RAD51B: variants seen among roughly 807,000 people sequenced by gnomAD.
RAD51B encodes the protein RAD51 paralog B.
Under a neutral mutation model 42.2 loss-of-function variants are expected in RAD51B, and 38 were observed. That is an observed-to-expected ratio of 0.90 (90% CI 0.70 to 1.18). RAD51B has a LOEUF of 1.18. RAD51B is among the 50% of genes most tolerant of loss of function. The pLI is 0.00. For synonymous variants in RAD51B, 154 were observed against 145.2 expected (o/e 1.06, Z -0.43); for missense variants, 373 against 400.7 (o/e 0.93, Z 0.59).
intron 10 of RAD51B, among the ~76,000 whole-genome samples, chr14:68,601,438 C>T (rs1339726799): frequency 1.3e-5 from 2 of 152,316 alleles, no homozygotes; most frequent in South Asian, 2.1e-4. Context: ...CTGCCACCAA[C>T]TTTTCCCTAA....
chr14:68,160,974 C>G (rs941737058), intron 7 of RAD51B, among the ~76,000 whole-genome samples: 1 of 152,278 alleles, frequency 6.6e-6, no homozygotes, highest in Middle Eastern at 3.4e-3. Context: ...GAGCTCAAAG[C>G]CAAGACGTGA....
rs57490316 is a variant in RAD51B at position 68,237,732 on chromosome 14, C to CTT, written c.757-54131_757-54130dup. Reference sequence around the variant, plus strand: ...TACATGGACATGTGTTTTCATTTCTCTTTTTTTTTTTTTTTTTTTTTTGAG... The same window carrying CTT: ...TACATGGACATGTGTTTTCATTTCTCTTTTTTTTTTTTTTTTTTTTTTTTGAG... On this transcript the variant is annotated intron_variant, in intron 7 of 10. Transcript: ENST00000471583. Among the ~76,000 whole-genome samples the CTT allele has an allele frequency of 7.0e-3, 515 of 74,066 alleles. 5 individuals carry two copies. The highest frequency in any genetic ancestry group is 0.019 in the African/African-American group (357 of 19,154). The allele number at this position is 74,066 out of a possible 152,430, so 48.6% of individuals were successfully genotyped here. A position where few individuals can be genotyped will look rare whatever the true frequency, so the allele number is the denominator to read the frequency against.
intron 7 of RAD51B, among the ~76,000 whole-genome samples, chr14:68,274,093 C>T (rs2081174841): frequency 6.6e-6 from 1 of 152,080 alleles, no homozygotes; most frequent in African/African-American, 2.4e-5. Context: ...TAGTGACCCC[C>T]ACATTTCTAA....
At chr14:68,029,520 C>T (rs1342292899) in intron 7 of RAD51B, among the ~76,000 whole-genome samples, 1 of 152,148 alleles carries the variant, frequency 6.6e-6, no homozygotes, top group Non-Finnish European at 1.5e-5. Context: ...CTCTTTTGTT[C>T]AAGTTTTATG....
intron 8 of RAD51B, among the ~76,000 whole-genome samples, chr14:68,394,924 C>G (rs1280172555): frequency 1.3e-5 from 2 of 152,122 alleles, no homozygotes; most frequent in Non-Finnish European, 2.9e-5. Context: ...TGCTCTTTTT[C>G]TCAGTGAGCC....
rs79111898 is a variant in RAD51B, at chr14:68,251,318, G to A, written c.757-40566G>A. 9.2e-3 allele frequency among the ~76,000 whole-genome samples: 1,394 copies of A among 152,202 alleles called. 25 individuals carry two copies. The highest frequency in any genetic ancestry group is 0.032 in the African/African-American group (1,317 of 41,498). On this transcript the variant is annotated intron_variant, in intron 7 of 10. Transcript: ENST00000471583. ...CCTCCCTCCTGAGTTTATGCACCTC[G>A]ATGAGCCCCGGCCCATTAAAATTCC...
intron 8 of RAD51B, among the ~76,000 whole-genome samples, chr14:68,344,965 A>AC (rs890143624): frequency 7.9e-5 from 12 of 151,862 alleles, no homozygotes; most frequent in South Asian, 2.1e-4. Flanking sequence ...AAAAAAAAAA[A>AC]AACAACATTT....
At chr14:67,984,278 G>T (rs563518233) in intron 7 of RAD51B, among the ~76,000 whole-genome samples, 4 of 152,112 alleles carry the variant, frequency 2.6e-5, no homozygotes, top group Admixed American at 1.3e-4. Flanking sequence ...GTTCTTAGAA[G>T]TTATGTCAAT....
At chr14:68,224,550 CAGTTCTCT>C in intron 7 of RAD51B, among the ~76,000 whole-genome samples, 1 of 152,102 alleles carries the variant, frequency 6.6e-6, no homozygotes. Flanking sequence ...CATATTTATT[CAGTTCTCT>C]AGTAAGTACT....
At chr14:68,401,433 AC>A (rs1482874989) in intron 8 of RAD51B, among the ~76,000 whole-genome samples, 1 of 152,016 alleles carries the variant, frequency 6.6e-6, no homozygotes, top group Non-Finnish European at 1.5e-5. Flanking sequence ...TGGATGGCTC[AC>A]CCCCGCTTCT....
intron 7 of RAD51B, among the ~76,000 whole-genome samples, chr14:67,971,228 A>T (rs993430191): frequency 6.6e-6 from 1 of 152,014 alleles, no homozygotes; most frequent in African/African-American, 2.4e-5. Context: ...TCCTTATTCA[A>T]CGGTTACATG....
At chr14:67,847,726 C>T (rs1168999911) in intron 4 of RAD51B, among the ~76,000 whole-genome samples, 2 of 152,210 alleles carry the variant, frequency 1.3e-5, no homozygotes, top group East Asian at 3.9e-4. Flanking sequence ...GAGTATGTTT[C>T]TTGTACAGTT....
At chr14:68,607,822 G>A (rs910480588) in intron 10 of RAD51B, among the ~76,000 whole-genome samples, 4 of 152,134 alleles carry the variant, frequency 2.6e-5, no homozygotes, top group African/African-American at 9.7e-5. Flanking sequence ...ACAGGGGCTG[G>A]CAATGTAGGA....
At chr14:67,963,038 T>C (rs914609750) in intron 7 of RAD51B, among the ~76,000 whole-genome samples, 17 of 152,170 alleles carry the variant, frequency 1.1e-4, no homozygotes, top group Admixed American at 1.0e-3. Flanking sequence ...ACAATTAATG[T>C]TTCTTGAGTG....
chr14:67,840,257 G>GT (rs1414003035), intron 4 of RAD51B, among the ~76,000 whole-genome samples: 3 of 152,056 alleles, frequency 2.0e-5, no homozygotes, highest in Non-Finnish European at 4.4e-5. Context: ...CCAATAAGTA[G>GT]TTTTTTTAGC....
At chr14:68,604,674 C>T (rs558268140) in intron 10 of RAD51B, among the ~76,000 whole-genome samples, 13 of 152,306 alleles carry the variant, frequency 8.5e-5, no homozygotes, top group African/African-American at 2.9e-4. Context: ...CCCTCTAAGT[C>T]ATCGAAGGTC....
intron 4 of RAD51B, 111 bp downstream of exon 4, chr14:67,835,307 A>C: frequency 1.2e-6 from 1 of 810,282 alleles, no homozygotes; most frequent in Non-Finnish European, 2.0e-6. Context: ...TCTGAATTAA[A>C]TTATAAGTAC....
intron 10 of RAD51B, among the ~76,000 whole-genome samples, chr14:68,494,476 C>T (rs1594910870): frequency 1.3e-5 from 2 of 152,066 alleles, no homozygotes. Context: ...TCCAAGCACC[C>T]CCGGTTGAAA....
At chr14:68,469,074 C>T (rs1323590021) in intron 10 of RAD51B, 4 of 511,032 alleles carry the variant, frequency 7.8e-6, no homozygotes, top group African/African-American at 1.9e-5. Flanking sequence ...TCAGGATATA[C>T]ATCTGTCCTC....
Sources: gnomAD v4.1 joint callset for allele counts (sites outside exome capture counted in the v4.1 genomes callset) on GRCh38, gnomAD v4.1.1 for gene constraint, MANE v1.5 for transcripts, NCBI Gene and HGNC (gene_info 2026-07-23, HGNC 2026-07-21) for gene names.